The following LUC7L variants were observed in gnomAD, a reference collection of about 807,000 sequenced individuals.
LUC7L encodes LUC7 like.
A neutral mutation model predicts 51.1 loss-of-function variants in LUC7L; 29 were observed. The ratio of observed to expected loss-of-function variants is 0.57; its 90% CI spans 0.42 to 0.77. The LOEUF (loss-of-function observed/expected upper bound fraction) is 0.77, where lower values mean the gene tolerates loss of function less well. Among genes scored for constraint, LUC7L ranks in the 30% least tolerant of loss-of-function variants. The pLI, the probability that LUC7L is intolerant of heterozygous loss-of-function variation, is 0.00. For missense variants in LUC7L, 403 were observed against 511.9 expected, an observed-to-expected ratio of 0.79 and a Z score of 2.05; for synonymous variants, 181 against 180.7, an observed-to-expected ratio of 1.00 and a Z score of -0.01.
chr16:208,435 T>C (rs2049548488), intron 3 of LUC7L: 2 of 412,510 alleles, frequency 4.8e-6, no homozygotes, highest in East Asian at 1.3e-4. Context: ...CCAAAATTTG[T>C]AAAAGGACCT....
rs550737204 is a variant in LUC7L, at chr16:225,702, C to T, written c.156+1540G>A. Among the ~76,000 whole-genome samples, 6 of 151,424 alleles carry T rather than the reference C, an allele frequency of 4.0e-5. No individual in the cohort carries two copies. In the South Asian group the frequency reaches 1.0e-3, roughly 26 times the overall value. On this transcript the variant is annotated intron_variant, in intron 2 of 9. Transcript: ENST00000293872. ...GTTTATCTATGTTGATCAGGCTGGT[C>T]GCCAACTCCCAACCTCAGGTGATCC... is the stretch of plus-strand genomic sequence containing the variant.
At chr16:190,613 C>T in intron 7 of LUC7L, 43 bp from the exon 8 acceptor site, 1 of 1,595,002 alleles carries the variant, frequency 6.3e-7, no homozygotes, top group Non-Finnish European at 8.6e-7. Flanking sequence ...GGCATGGTGG[C>T]TCACACCTGT....
At chr16:201,838 G>A (rs981479771) in intron 5 of LUC7L, among the ~76,000 whole-genome samples, 2 of 150,548 alleles carry the variant, frequency 1.3e-5, no homozygotes, top group African/African-American at 4.9e-5. Flanking sequence ...CCGCCTTCTG[G>A]GTTCAAGCGA....
chr16:228,544 C>T, intron 1 of LUC7L: 1 of 1,207,216 alleles, frequency 8.3e-7, no homozygotes, highest in Non-Finnish European at 1.1e-6. Flanking sequence ...ATAATCTGCA[C>T]AGCCCTGAGA....
intron 3 of LUC7L, among the ~76,000 whole-genome samples, chr16:214,787 A>G (rs1485412717): frequency 6.6e-6 from 1 of 152,114 alleles, no homozygotes; most frequent in South Asian, 2.1e-4. Flanking sequence ...TAGTCTCCCA[A>G]AGCTCTTGGA....
At chr16:203,043 C>T (rs1468518709) in intron 5 of LUC7L, among the ~76,000 whole-genome samples, 1 of 151,998 alleles carries the variant, frequency 6.6e-6, no homozygotes, top group African/African-American at 2.4e-5. Flanking sequence ...CTCAGCTGCT[C>T]AGGAGGCTGA....
chr16:199,070 G>T lies in LUC7L; in HGVS notation c.679C>A (p.Gln227Lys). Reference protein sequence around the residue: ...GFIQIREKLDQLRKTVAEKQE... With the variant: ...GFIQIREKLDKLRKTVAEKQE... ...GAAACAGATGAACATACCCTCAACT[G>T]ATCAAGCTTCTCTCGGATCTGAATG... is the stretch of plus-strand genomic sequence containing the variant. Residue 227 changes from glutamine (Q) to lysine (K), a missense_variant, in exon 6 of 10, where the codon CAG becomes AAG. Around this residue, in one of 3 missense-constraint regions of LUC7L, gnomAD observed 15 missense variants for 45.2 expected, o/e 0.33. Coordinates refer to ENST00000293872, the MANE Select transcript of LUC7L (RefSeq NM_201412.3). The T allele has an allele frequency of 6.2e-7, 1 of 1,607,390 alleles. No homozygotes were observed. The highest frequency in any genetic ancestry group is 1.1e-5 in the South Asian group (1 of 90,764).
At chr16:218,461 C>T (rs1481676426) in intron 3 of LUC7L, among the ~76,000 whole-genome samples, 1 of 152,148 alleles carries the variant, frequency 6.6e-6, no homozygotes, top group Non-Finnish European at 1.5e-5. Flanking sequence ...GTAATCACAC[C>T]TGTAAACCCA....
chr16:198,583 A>C (rs145199603), intron 6 of LUC7L, among the ~76,000 whole-genome samples: 1 of 152,318 alleles, frequency 6.6e-6, no homozygotes, highest in African/African-American at 2.4e-5. Flanking sequence ...TAAATCTCCA[A>C]GGCTCCTTTG....
intron 5 of LUC7L, among the ~76,000 whole-genome samples, chr16:202,179 C>T (rs1439323623): frequency 6.6e-6 from 1 of 152,136 alleles, no homozygotes; most frequent in African/African-American, 2.4e-5. Flanking sequence ...CATACCCACC[C>T]TCCATAAGCT....
At chr16:204,286 A>G (rs2049416402) in intron 5 of LUC7L, among the ~76,000 whole-genome samples, 1 of 150,146 alleles carries the variant, frequency 6.7e-6, no homozygotes, top group African/African-American at 2.5e-5. Flanking sequence ...CCTACTAGAA[A>G]TGAAAAAAAA....
At chr16:202,412 G>C (rs1474139755) in intron 5 of LUC7L, among the ~76,000 whole-genome samples, 1 of 152,134 alleles carries the variant, frequency 6.6e-6, no homozygotes, top group Non-Finnish European at 1.5e-5. Flanking sequence ...TTCAACATGA[G>C]ATTTGGACGT....
At chr16:205,528 A>G (rs905544760) in intron 5 of LUC7L, among the ~76,000 whole-genome samples, 2 of 152,216 alleles carry the variant, frequency 1.3e-5, no homozygotes, top group African/African-American at 4.8e-5. Context: ...GAGAGGGTAC[A>G]TGGAGAATCT....
intron 2 of LUC7L, among the ~76,000 whole-genome samples, chr16:226,244 CA>C (rs2050129936): frequency 6.6e-6 from 1 of 152,148 alleles, no homozygotes; most frequent in Non-Finnish European, 1.5e-5. Context: ...CTAATATAAG[CA>C]ATGATTCATC....
intron 1 of LUC7L, 134 bp downstream of exon 1, chr16:229,145 C>T: frequency 2.1e-6 from 3 of 1,412,452 alleles, no homozygotes; most frequent in Non-Finnish European, 1.8e-6. Context: ...CGCCTGCGGT[C>T]GGAGCGCGGG....
chr16:199,462 G>A (rs1043606136), intron 5 of LUC7L, among the ~76,000 whole-genome samples: 11 of 152,124 alleles, frequency 7.2e-5, no homozygotes, highest in African/African-American at 2.4e-4. Context: ...CCAGGTGGGC[G>A]GACCATGTGG....
rs950851939 is a variant in LUC7L, at chr16:189,166, A to G, written c.*32T>C. ...GTAATTTTAGACTGTGTGAACGTTT[A>G]TCAGACTATTTACAGCACCCGGGAG... is the stretch of plus-strand genomic sequence containing the variant. On this transcript the variant is annotated 3_prime_UTR_variant, in exon 10 of 10. Coordinates refer to ENST00000293872, the MANE Select transcript of LUC7L (RefSeq NM_201412.3). 2.5e-6 allele frequency: 4 copies of G among 1,590,318 alleles called. No homozygotes were observed. The Admixed American group carries it at 6.9e-5, about 28-fold the overall frequency.
intron 1 of LUC7L, chr16:228,091 G>A: frequency 1.7e-6 from 2 of 1,149,602 alleles, no homozygotes; most frequent in Non-Finnish European, 2.2e-6. Flanking sequence ...GAAGTCGGGG[G>A]AATGATACAT....
chr16:198,520 G>A (rs1030199043), intron 6 of LUC7L, among the ~76,000 whole-genome samples: 4 of 152,046 alleles, frequency 2.6e-5, no homozygotes, highest in African/African-American at 9.7e-5. Flanking sequence ...CGAGCTGTAT[G>A]TATTCTGGGA....
Sources: gnomAD v4.1 joint callset for allele counts (sites outside exome capture counted in the v4.1 genomes callset) on GRCh38, gnomAD v4.1.1 for gene constraint, gnomAD v4.1.1 regional missense constraint, MANE v1.5 for transcripts, NCBI Gene and HGNC (gene_info 2026-07-23, HGNC 2026-07-21) for gene names.